Variants in EIF1 observed in about 807,000 individuals in gnomAD.
EIF1 encodes the protein eukaryotic translation initiation factor 1.
EIF1 carries 4 observed loss-of-function variants against 13.7 expected under a neutral mutation model. The observed-to-expected ratio is 0.29, with a 90% CI of 0.14 to 0.67. EIF1 has a LOEUF of 0.67. Among genes scored for constraint, EIF1 ranks in the 30% least tolerant of loss-of-function variants. EIF1 has a pLI of 0.77. For missense variants in EIF1, 64 were observed against 138.0 expected, an observed-to-expected ratio of 0.46 and a Z score of 2.69; for synonymous variants, 67 against 50.7, an observed-to-expected ratio of 1.32 and a Z score of -1.37.
At chr17:41,689,717 AG>A in intron 1 of EIF1, 60 bp from the exon 2 acceptor site, 1 of 1,506,438 alleles carries the variant, frequency 6.6e-7, no homozygotes, top group Non-Finnish European at 8.9e-7. Context: ...CTGGGGACCG[AG>A]GGGATGGCAG....
At position 41,692,142 on chromosome 17, in the gene EIF1, TA is replaced by T. The variant is rs1910398530; in HGVS notation, c.*1318del. ...TTTAGCCAGAGTCATGCTGTGCTGTTAATCAGTGTCCTGGAGAATGGGTTGC... is the reference window on the plus strand; with the variant it reads ...TTTAGCCAGAGTCATGCTGTGCTGTTATCAGTGTCCTGGAGAATGGGTTGC... On this transcript the variant is annotated 3_prime_UTR_variant, in exon 4 of 4. Coordinates refer to ENST00000469257, the MANE Select transcript of EIF1 (RefSeq NM_005801.4). The T allele has an allele frequency of 6.6e-6, 1 of 152,240 alleles. No homozygotes were observed. The highest frequency in any genetic ancestry group is 1.5e-5 in the Non-Finnish European group (1 of 68,068). The allele number at this position is 152,240 out of a possible 1,614,324, so 9.4% of individuals were successfully genotyped here.
At chr17:41,689,568 C>T (rs1345390983) in intron 1 of EIF1, 5 of 508,424 alleles carry the variant, frequency 9.8e-6, no homozygotes, top group South Asian at 8.8e-5. Context: ...CCAGGGAGGG[C>T]GGGAGGCCCG....
chr17:41,690,288 C>G (rs1910333150), intron 3 of EIF1, 99 bp downstream of exon 3: 1 of 919,800 alleles, frequency 1.1e-6, no homozygotes. Flanking sequence ...CTTTGTAAGG[C>G]TGAGCAAAAC....
rs763705682 is a variant in EIF1, at chr17:41,691,982, GAC to G, written c.*1158_*1159del. 1.3e-5 allele frequency: 2 copies of G among 152,216 alleles called. No individual in the cohort carries two copies. Among genetic ancestry groups the G allele is most frequent in the Non-Finnish European group, 2.9e-5 (2 of 68,064 alleles). 9.4% of individuals were successfully genotyped at this position (152,216 alleles called of 1,614,324 possible). A position where few individuals can be genotyped will look rare whatever the true frequency, so the allele number is the denominator to read the frequency against. ...AGCTAACTTTTGTATTTTTAGTAGA[GAC>G]AGGGTTTCTCCATGTTGGCCAGGCT... On this transcript the variant is annotated 3_prime_UTR_variant, in exon 4 of 4. Transcript: ENST00000469257.
intron 2 of EIF1, 42 bp downstream of exon 2, chr17:41,689,983 G>T (rs1304057203): frequency 6.2e-7 from 1 of 1,611,974 alleles, no homozygotes; most frequent in Non-Finnish European, 8.5e-7. Flanking sequence ...TAATGGATTT[G>T]TCCACAAGGG....
chr17:41,689,447 A>G (rs969540133), intron 1 of EIF1: 10 of 452,280 alleles, frequency 2.2e-5, no homozygotes, highest in South Asian at 2.0e-4. Context: ...GGGTGCACCA[A>G]TGGGGGTGGG....
intron 3 of EIF1, 111 bp downstream of exon 3, chr17:41,690,300 T>C: frequency 1.3e-6 from 1 of 791,346 alleles, no homozygotes. Flanking sequence ...GAGCAAAACC[T>C]CAGTTGGGTT....
chr17:41,689,238 C>T (rs1167253139), intron 1 of EIF1, 169 bp downstream of exon 1: 13 of 763,332 alleles, frequency 1.7e-5, no homozygotes, highest in Admixed American at 2.7e-5. Context: ...CGGGGTCGGA[C>T]CCTGAGCGCG....
chr17:41,691,744 A>G lies in EIF1; in HGVS notation c.*918A>G, dbSNP rs984822176. 6.6e-6 allele frequency: 1 copy of G among 152,610 alleles called. No homozygotes were observed. Among genetic ancestry groups the G allele is most frequent in the East Asian group, 1.9e-4 (1 of 5,204 alleles). The allele number at this position is 152,610 out of a possible 1,614,324, so 9.5% of individuals were successfully genotyped here. A position where few individuals can be genotyped will look rare whatever the true frequency, so the allele number is the denominator to read the frequency against. On this transcript the variant is annotated 3_prime_UTR_variant, in exon 4 of 4. Transcript: ENST00000469257. ...ATTCGTCCACACCCACAGCTTCTCA[A>G]CGGGCCTGAATTTGGCCAAGAAAAA...
At position 41,690,145 on chromosome 17, in the gene EIF1, C is replaced by T; in HGVS notation, c.253C>T (p.Leu85=). The T allele has an allele frequency of 6.2e-7, 1 of 1,614,162 alleles. No individual in the cohort carries two copies. Among genetic ancestry groups the T allele is most frequent in the African/African-American group, 1.3e-5 (1 of 75,042 alleles). Residue 85 remains leucine, a synonymous_variant, in exon 3 of 4, where the codon CTA becomes TTA. Transcript: ENST00000469257. ...EHPEYGEVIQ[L]QGDQRKNICQ... ...TCCGGAATATGGAGAAGTAATTCAG[C>T]TACAGGGTGACCAACGCAAGAACAT...
intron 1 of EIF1, 170 bp from the exon 2 acceptor site, chr17:41,689,603 TGGCCG>T (rs1262739626): frequency 1.8e-6 from 1 of 570,750 alleles, no homozygotes; most frequent in Non-Finnish European, 2.9e-6. Context: ...CTGGGGAAGC[TGGCCG>T]TCCCGGACTG....
chr17:41,689,561 G>T, intron 1 of EIF1: 1 of 509,756 alleles, frequency 2.0e-6, no homozygotes, highest in Non-Finnish European at 3.4e-6. Flanking sequence ...CGGCTTCCCA[G>T]GGAGGGCGGG....
chr17:41,691,967 T>G lies in EIF1; in HGVS notation c.*1141T>G, dbSNP rs923606820. 1 of 152,210 alleles carries G rather than the reference T, an allele frequency of 6.6e-6. No homozygotes were observed. Among genetic ancestry groups the G allele is most frequent in the East Asian group, 1.9e-4 (1 of 5,196 alleles). The allele number at this position is 152,210 out of a possible 1,614,324, so 9.4% of individuals were successfully genotyped here. ...ACAGGCACCATGCCCAGCTAACTTT[T>G]GTATTTTTAGTAGAGACAGGGTTTC... is the stretch of plus-strand genomic sequence containing the variant. On this transcript the variant is annotated 3_prime_UTR_variant, in exon 4 of 4. Transcript: ENST00000469257.
At position 41,688,942 on chromosome 17, in the gene EIF1, C is replaced by G. The variant is rs1302278343; in HGVS notation, c.-97C>G. 9 of 1,329,302 alleles carry G rather than the reference C, an allele frequency of 6.8e-6. No individual in the cohort carries two copies. Among genetic ancestry groups the G allele is most frequent in the East Asian group, 2.3e-5 (1 of 42,656 alleles). 82.3% of individuals were successfully genotyped at this position (1,329,302 alleles called of 1,614,324 possible). A position where few individuals can be genotyped will look rare whatever the true frequency, so the allele number is the denominator to read the frequency against. ...GCAGCCTCCCCCTTGAGCCCCCTCG[C>G]TTCCCGACGTTCCGTTCCCCCCTGC... is the stretch of plus-strand genomic sequence containing the variant. On this transcript the variant is annotated 5_prime_UTR_variant, in exon 1 of 4. Coordinates refer to ENST00000469257, the MANE Select transcript of EIF1 (RefSeq NM_005801.4).
At chr17:41,689,569 G>C (rs1910308804) in intron 1 of EIF1, 2 of 513,172 alleles carry the variant, frequency 3.9e-6, no homozygotes. Flanking sequence ...CAGGGAGGGC[G>C]GGAGGCCCGG....
rs1567766158 is a variant in EIF1 at position 41,689,057 on chromosome 17, C to G, written c.19C>G (p.Leu7Val). ...GTATCGTATGTCCGCTATCCAGAAC[C>G]TCCACTCTTTCGGTAAGCTATGGGA... is the stretch of plus-strand genomic sequence containing the variant. MSAIQN[L>V]HSFDPFADAS... is the part of the protein sequence containing the mutation. The change falls in exon 1 of 4, where the codon CTC becomes GTC. Residue 7 changes from leucine (L) to valine (V), a missense_variant. Transcript: ENST00000469257. 3 of 1,613,734 alleles carry G rather than the reference C, an allele frequency of 1.9e-6. No homozygotes were observed. Among genetic ancestry groups the G allele is most frequent in the Non-Finnish European group, 2.5e-6 (3 of 1,179,908 alleles).
At position 41,688,977 on chromosome 17, in the gene EIF1, CCCGCCACCGCCG is replaced by C. The variant is rs139094815; in HGVS notation, c.-56_-45del. On this transcript the variant is annotated 5_prime_UTR_variant, in exon 1 of 4. Coordinates refer to ENST00000469257, the MANE Select transcript of EIF1 (RefSeq NM_005801.4). Reference sequence around the variant, plus strand: ...TTCCGTTCCCCCCTGCCCGCCTTCTCCCGCCACCGCCGCCGCCGCCTTCCGCAGGCCGTTTCC... The same window carrying C: ...TTCCGTTCCCCCCTGCCCGCCTTCTCCCGCCGCCTTCCGCAGGCCGTTTCC... The C allele has an allele frequency of 4.9e-3, 7,743 of 1,588,860 alleles. 319 individuals are homozygous for C. The African/African-American group carries it at 0.089, about 18-fold the overall frequency.
At chr17:41,689,162 C>T (rs1910288396) in intron 1 of EIF1, 93 bp downstream of exon 1, 2 of 1,411,468 alleles carry the variant, frequency 1.4e-6, no homozygotes, top group East Asian at 2.3e-5. Flanking sequence ...CGCTCCGGGC[C>T]TTCGTAAGCT....
In EIF1 at chr17:41,689,075, C is replaced by A. The variant is rs1440129652; in HGVS notation, c.31+6C>A. On this transcript the variant is annotated splice_donor_region_variant and intron_variant, in intron 1 of 3. Coordinates refer to ENST00000469257, the MANE Select transcript of EIF1 (RefSeq NM_005801.4). ...CCAGAACCTCCACTCTTTCGGTAAG[C>A]TATGGGAAAGGTCGCGGGCCCGGGT... The A allele has an allele frequency of 5.0e-6, 8 of 1,613,546 alleles. No individual in the cohort carries two copies. The highest frequency in any genetic ancestry group is 1.3e-5 in the African/African-American group (1 of 74,932).
Sources: gnomAD v4.1 joint callset for allele counts on GRCh38, gnomAD v4.1.1 for gene constraint, MANE v1.5 for transcripts, NCBI Gene and HGNC (gene_info 2026-07-23, HGNC 2026-07-21) for gene names.